PCDHA3: variants seen among roughly 807,000 people sequenced by gnomAD.
The protein encoded by PCDHA3 is protocadherin alpha-3.
Under a neutral mutation model 62.2 loss-of-function variants are expected in PCDHA3, and 41 were observed. The observed-to-expected ratio is 0.66, with a 90% confidence interval of 0.51 to 0.86. PCDHA3 has a LOEUF of 0.86. Among genes scored for constraint, PCDHA3 ranks in the 40% least tolerant of loss-of-function variants. The probability of loss-of-function intolerance (pLI) is 0.00; values close to 1 mark genes in which losing one functional copy is unlikely to be tolerated. For missense variants in PCDHA3, 1,304 were observed against 1,241.2 expected, an observed-to-expected ratio of 1.05 and a Z score of -0.76; for synonymous variants, 640 against 555.4, an observed-to-expected ratio of 1.15 and a Z score of -2.14.
chr5:140,902,530 G>A (rs569387885), intron 1 of PCDHA3, among the ~76,000 whole-genome samples: 11 of 152,144 alleles, frequency 7.2e-5, no homozygotes, highest in African/African-American at 2.7e-4. Flanking sequence ...TTATTATGTT[G>A]AGGTATGTTC....
At position 141,010,838 on chromosome 5, in the gene PCDHA3, T is replaced by G. The variant is rs2154002200; in HGVS notation, c.*901T>G. 1.3e-5 allele frequency: 2 copies of G among 153,860 alleles called. No homozygotes were observed. The highest frequency in any genetic ancestry group is 2.9e-5 in the Non-Finnish European group (2 of 68,042). The allele number at this position is 153,860 out of a possible 1,614,324, so 9.5% of individuals were successfully genotyped here. On this transcript the variant is annotated 3_prime_UTR_variant, in exon 4 of 4. Coordinates refer to ENST00000522353, the MANE Select transcript of PCDHA3 (RefSeq NM_018906.3). ...TTTCGCTGTTTGTTGTTTCATAGAT[T>G]TATTTAAAAAAAGAGAAAGTCTATA...
chr5:140,871,056 G>A (rs1554165039), intron 1 of PCDHA3: 1 of 1,613,234 alleles, frequency 6.2e-7, no homozygotes, highest in African/African-American at 1.3e-5. Context: ...TACTGGTGAA[G>A]GATCACGGTG....
chr5:141,001,435 A>G (rs1377491641), intron 3 of PCDHA3, among the ~76,000 whole-genome samples: 4 of 152,202 alleles, frequency 2.6e-5, no homozygotes, highest in African/African-American at 7.2e-5. Flanking sequence ...TTCCATGGAA[A>G]AGTCTTTCCA....
At position 140,969,519 on chromosome 5, in the gene PCDHA3, G is replaced by A. The variant is rs1586385280; in HGVS notation, c.2395-9430G>A. On this transcript the variant is annotated intron_variant, in intron 1 of 3. Transcript: ENST00000522353. ...TCTAGAAAAATAGCACTAAAGAATTGTTTTATTTTTCATTTTCAGAGGCAT... is the reference window on the plus strand; with the variant it reads ...TCTAGAAAAATAGCACTAAAGAATTATTTTATTTTTCATTTTCAGAGGCAT... The A allele has an allele frequency of 3.6e-6, 5 of 1,406,074 alleles. No individual in the cohort carries two copies. The East Asian group carries it at 1.3e-4, about 35-fold the overall frequency. 87.1% of individuals were successfully genotyped at this position (1,406,074 alleles called of 1,614,324 possible). A position where few individuals can be genotyped will look rare whatever the true frequency, so the allele number is the denominator to read the frequency against.
chr5:140,943,276 AAG>A (rs1491082610), intron 1 of PCDHA3, among the ~76,000 whole-genome samples: 3,151 of 135,552 alleles, frequency 0.023, 213 homozygotes, highest in African/African-American at 0.087. Flanking sequence ...AAAAAAAAAA[AAG>A]AAAGAAAGAA....
chr5:140,873,292 T>C (rs1399834963), intron 1 of PCDHA3, among the ~76,000 whole-genome samples: 1 of 152,210 alleles, frequency 6.6e-6, no homozygotes, highest in Admixed American at 6.5e-5. Context: ...TATGAAACTT[T>C]ATAAATATAA....
chr5:140,872,447 C>T (rs555580142), intron 1 of PCDHA3, among the ~76,000 whole-genome samples: 10 of 152,054 alleles, frequency 6.6e-5, no homozygotes, highest in African/African-American at 2.2e-4. Flanking sequence ...GACAACATAG[C>T]GAGATCCTGT....
At chr5:140,810,794 C>T (rs547494894) in intron 1 of PCDHA3, 1 of 152,032 alleles carries the variant, frequency 6.6e-6, no homozygotes, top group Admixed American at 6.5e-5. Context: ...AACCTCATGG[C>T]TAGTTTTTAA....
intron 1 of PCDHA3, chr5:140,868,045 A>G (rs1452350688): frequency 3.3e-5 from 5 of 152,130 alleles, no homozygotes; most frequent in African/African-American, 1.2e-4. Flanking sequence ...GGAAATACCA[A>G]TATGGCACAA....
chr5:140,928,547 A>T (rs782813761), intron 1 of PCDHA3: 5 of 1,614,206 alleles, frequency 3.1e-6, no homozygotes, highest in Middle Eastern at 3.3e-4. Context: ...AATGACAATT[A>T]TCCGGTTATC....
At chr5:140,876,238 CA>C in intron 1 of PCDHA3, 4 of 1,613,896 alleles carry the variant, frequency 2.5e-6, no homozygotes, top group Non-Finnish European at 3.4e-6. Context: ...TGAAAATGTC[CA>C]AAACGACACA....
chr5:140,850,847 G>C (rs2150500244), intron 1 of PCDHA3: 5 of 1,596,668 alleles, frequency 3.1e-6, no homozygotes, highest in Non-Finnish European at 4.3e-6. Context: ...GATCTACAGA[G>C]CGAACGGGAG....
In PCDHA3 at chr5:140,981,033, G is replaced by GA. The variant is rs148859655; in HGVS notation, c.2454-1434dup. ...CACTTGAAGGCTGTTAATATTTGGG[G>GA]AAAAAAAACAGATAATTCTAGAGTG... On this transcript the variant is annotated intron_variant, in intron 2 of 3. Transcript: ENST00000522353. 8.2e-3 allele frequency among the ~76,000 whole-genome samples: 1,241 copies of GA among 151,610 alleles called. 19 individuals are homozygous for GA. Among genetic ancestry groups the GA allele is most frequent in the African/African-American group, 0.027 (1,115 of 41,338 alleles).
At position 140,807,724 on chromosome 5, in the gene PCDHA3, T is replaced by A. The variant is rs782471672; in HGVS notation, c.2394+4133T>A. 6.2e-6 allele frequency: 10 copies of A among 1,614,174 alleles called. No homozygotes were observed. The East Asian group carries it at 2.2e-4, about 36-fold the overall frequency. On this transcript the variant is annotated intron_variant, in intron 1 of 3. Coordinates refer to ENST00000522353, the MANE Select transcript of PCDHA3 (RefSeq NM_018906.3). ...GACTGAGCCCAAATGAATACTTTTC[T>A]CTGGAAAAACCACCTGATGACGAGC... is the stretch of plus-strand genomic sequence containing the variant.
intron 3 of PCDHA3, among the ~76,000 whole-genome samples, chr5:141,000,365 C>G (rs1413548696): frequency 7.8e-5 from 1 of 12,832 alleles, no homozygotes; most frequent in Non-Finnish European, 1.3e-4. Flanking sequence ...CTCTCTGTCT[C>G]TCTCTCTCTC....
intron 1 of PCDHA3, among the ~76,000 whole-genome samples, chr5:140,935,413 T>C (rs1011900671): frequency 1.3e-5 from 2 of 152,246 alleles, no homozygotes; most frequent in Non-Finnish European, 2.9e-5. Flanking sequence ...ACAATGGACT[T>C]AGAAAACAAT....
At chr5:140,941,198 TCTTC>T (rs202127003) in intron 1 of PCDHA3, among the ~76,000 whole-genome samples, 9,614 of 119,776 alleles carry the variant, frequency 0.08, 511 homozygotes, top group Non-Finnish European at 0.089. Context: ...TTTTTTTCTT[TCTTC>T]CTTTCTTTCT....
At position 140,845,853 on chromosome 5, in the gene PCDHA3, A is replaced by G. The variant is rs2150381879; in HGVS notation, c.2394+42262A>G. 1.3e-5 allele frequency among the ~76,000 whole-genome samples: 2 copies of G among 149,864 alleles called. 1 individual carries two copies. Among genetic ancestry groups the G allele is most frequent in the Non-Finnish European group, 3.0e-5 (2 of 66,956 alleles). ...TACCATTCTTAAGAGAAAAGAAGTT[A>G]GTGATTGCAGAAAGGCAACCTAAAA... On this transcript the variant is annotated intron_variant, in intron 1 of 3. Coordinates refer to ENST00000522353, the MANE Select transcript of PCDHA3 (RefSeq NM_018906.3).
At chr5:140,875,815 C>T (rs782785462) in intron 1 of PCDHA3, 11 of 1,614,218 alleles carry the variant, frequency 6.8e-6, no homozygotes, top group Non-Finnish European at 9.3e-6. Flanking sequence ...CAGGCCGCTG[C>T]AGGTTTTCCA....
Sources: allele counts gnomAD v4.1 joint callset (sites outside exome capture counted in the v4.1 genomes callset), GRCh38; gene constraint gnomAD v4.1.1; transcripts MANE v1.5; gene names NCBI Gene and HGNC (gene_info 2026-07-23, HGNC 2026-07-21).